Variants in CHST3 observed in about 807,000 individuals in gnomAD.
CHST3 encodes the protein C6ST-1.
In CHST3, 20 loss-of-function variants were observed where a neutral mutation model predicts 35.4. That is an observed-to-expected ratio of 0.57 (90% confidence interval 0.40 to 0.82). CHST3 has a LOEUF of 0.82. Among genes scored for constraint, CHST3 ranks in the 40% least tolerant of loss-of-function variants. The pLI is 0.00. For missense variants in CHST3, 693 were observed against 670.1 expected (o/e 1.03, Z -0.38); for synonymous variants, 334 against 295.9 (o/e 1.13, Z -1.32).
intron 1 of CHST3, among the ~76,000 whole-genome samples, chr10:71,975,777 C>G (rs1482638131): frequency 2.0e-5 from 3 of 152,260 alleles, no homozygotes; most frequent in Non-Finnish European, 4.4e-5. Context: ...CTGCAACTCA[C>G]AGCTCTCTCC....
intron 1 of CHST3, among the ~76,000 whole-genome samples, chr10:71,989,575 G>A (rs565623918): frequency 3.3e-5 from 5 of 152,304 alleles, no homozygotes; most frequent in African/African-American, 4.8e-5. Context: ...AATATTAAGC[G>A]CTAACTGTGT....
Position 72,007,825 on chromosome 10 carries a change from G to T in CHST3, c.794G>T (p.Arg265Leu). The change falls in exon 3 of 3, where the codon CGC (arginine) becomes CTC (leucine). Residue 265 changes from arginine (R) to leucine (L), a missense_variant. Arg to Leu is a moderately radical substitution (Grantham distance 102). Transcript: ENST00000373115. Reference sequence around the variant, plus strand: ...GTGACGCTGGCCGCAGAGGCCTGCCGCCGCAAGGAGCACATGGCCCTCAAG... The same window carrying T: ...GTGACGCTGGCCGCAGAGGCCTGCCTCCGCAAGGAGCACATGGCCCTCAAG... ...LNVTLAAEAC[R>L]RKEHMALKAV... 6.2e-7 allele frequency: 1 copy of T among 1,603,724 alleles called. No homozygotes were observed. Among genetic ancestry groups the T allele is most frequent in the South Asian group, 1.1e-5 (1 of 90,920 alleles).
At position 72,007,652 on chromosome 10, in the gene CHST3, C is replaced by T; in HGVS notation, c.621C>T (p.Ile207=). The change falls in exon 3 of 3, where the codon ATC becomes ATT. Residue 207 remains isoleucine, a synonymous_variant. Transcript: ENST00000373115. The part of the protein sequence containing the change: ...LCDLYVLEHF[I]TPLPEDHLTQ... ...ACCTGTACGTGCTGGAGCACTTCAT[C>T]ACGCCGCTGCCCGAGGACCACCTGA... 1 of 1,609,484 alleles carries T rather than the reference C, an allele frequency of 6.2e-7. No homozygotes were observed.
chr10:72,000,907 G>A (rs1442052898), intron 1 of CHST3, among the ~76,000 whole-genome samples: 1 of 152,092 alleles, frequency 6.6e-6, no homozygotes, highest in East Asian at 1.9e-4. Context: ...GCCTCAGCGG[G>A]GAGGGAGGAG....
rs1398198237 is a variant in CHST3, at chr10:72,008,184, A to G, written c.1153A>G (p.Met385Val). ...ARGPLQKAREMYRFAGIPLTP... is the reference protein window; with the variant it reads ...ARGPLQKAREVYRFAGIPLTP... Reference sequence around the variant, plus strand: ...CGGGCCGCTGCAGAAGGCCCGCGAGATGTACCGCTTCGCCGGCATCCCCCT... The same window carrying G: ...CGGGCCGCTGCAGAAGGCCCGCGAGGTGTACCGCTTCGCCGGCATCCCCCT... Residue 385 changes from methionine to valine, a missense_variant, in exon 3 of 3, where the codon ATG becomes GTG. Coordinates refer to ENST00000373115, the MANE Select transcript of CHST3 (RefSeq NM_004273.5). 1 of 1,549,508 alleles carries G rather than the reference A, an allele frequency of 6.5e-7. No individual in the cohort carries two copies. The highest frequency in any genetic ancestry group is 8.7e-7 in the Non-Finnish European group (1 of 1,146,792).
Position 72,008,553 on chromosome 10 carries a change from C to T in CHST3, c.*82C>T, listed in dbSNP as rs988412391. 2.1e-6 allele frequency: 3 copies of T among 1,445,692 alleles called. No individual in the cohort carries two copies. The highest frequency in any genetic ancestry group is 1.4e-5 in the African/African-American group (1 of 69,658). 89.6% of individuals were successfully genotyped at this position (1,445,692 alleles called of 1,614,324 possible). On this transcript the variant is annotated 3_prime_UTR_variant, in exon 3 of 3. Coordinates refer to ENST00000373115, the MANE Select transcript of CHST3 (RefSeq NM_004273.5). ...GCAGCCCTCGCAGAGGGCGGGTGCA[C>T]AGCGCCATGAGCGGGCAGCGCCTCC...
intron 1 of CHST3, among the ~76,000 whole-genome samples, chr10:72,001,780 G>T (rs189160253): frequency 6.0e-4 from 92 of 152,228 alleles, no homozygotes; most frequent in African/African-American, 1.8e-3. Flanking sequence ...CGGATGAAAG[G>T]TATTGAGTAC....
At position 72,008,713 on chromosome 10, in the gene CHST3, G is replaced by A. The variant is rs529477443; in HGVS notation, c.*242G>A. The A allele has an allele frequency of 7.9e-5, 52 of 656,434 alleles. No individual in the cohort carries two copies. The African/African-American group carries it at 8.8e-4, about 11-fold the overall frequency. The allele number at this position is 656,434 out of a possible 1,614,324, so 40.7% of individuals were successfully genotyped here. A position where few individuals can be genotyped will look rare whatever the true frequency, so the allele number is the denominator to read the frequency against. On this transcript the variant is annotated 3_prime_UTR_variant, in exon 3 of 3. Transcript: ENST00000373115. ...CAACGGGTTGCAGCCTCCTGAGCAG[G>A]CCTAGGCAGGCCCGGGCCTGTTGGC...
chr10:72,005,819 G>GC lies in CHST3; in HGVS notation c.-19dup. The GC allele has an allele frequency of 1.2e-6, 2 of 1,614,134 alleles. No individual in the cohort carries two copies. The highest frequency in any genetic ancestry group is 1.7e-6 in the Non-Finnish European group (2 of 1,180,030). ...TGAGTGTCCAAGGCTGGCCCGAGGA[G>GC]CCCCCACGGCCCCACCTTTCCCCAT... On this transcript the variant is annotated 5_prime_UTR_variant, in exon 2 of 3. Transcript: ENST00000373115.
chr10:71,994,323 T>G (rs1839921966), intron 1 of CHST3, among the ~76,000 whole-genome samples: 1 of 152,152 alleles, frequency 6.6e-6, no homozygotes, highest in South Asian at 2.1e-4. Flanking sequence ...AAATTACTCC[T>G]TGATCCATGG....
chr10:71,977,517 A>G (rs748744263), intron 1 of CHST3, among the ~76,000 whole-genome samples: 1 of 148,320 alleles, frequency 6.7e-6, no homozygotes, highest in South Asian at 2.1e-4. Flanking sequence ...TGGTACAGCC[A>G]TAGCTCACTG....
rs577274970 is a variant in CHST3, at chr10:71,996,910, T to C, written c.-107-8826T>C. ...TTTTCCTGGGTTGGTTGGTTTGTTT[T>C]GTTTTTTGTTTTGTTTTGTTTTGTT... On this transcript the variant is annotated intron_variant, in intron 1 of 2. Transcript: ENST00000373115. Among the ~76,000 whole-genome samples the C allele has an allele frequency of 9.9e-5, 15 of 152,110 alleles. No homozygotes were observed. The East Asian group carries it at 2.7e-3, about 27-fold the overall frequency.
intron 1 of CHST3, among the ~76,000 whole-genome samples, chr10:71,997,153 A>T (rs1839949399): frequency 1.3e-5 from 2 of 151,944 alleles, no homozygotes; most frequent in Admixed American, 1.3e-4. Flanking sequence ...CCACTCTTCC[A>T]CTGCAGAACC....
chr10:71,970,649 T>A (rs1384375541), intron 1 of CHST3, among the ~76,000 whole-genome samples: 1 of 152,144 alleles, frequency 6.6e-6, no homozygotes, highest in Non-Finnish European at 1.5e-5. Flanking sequence ...TCAGCCCTGC[T>A]CCCTCTGAGT....
Position 71,984,889 on chromosome 10 carries a change from C to T in CHST3, c.-108+20195C>T, listed in dbSNP as rs146976346. ...GTTCCATGCTTGGCCCAGAGCAAGT[C>T]CTCAGCAAATGAATATACTTGTTTC... On this transcript the variant is annotated intron_variant, in intron 1 of 2. Coordinates refer to ENST00000373115, the MANE Select transcript of CHST3 (RefSeq NM_004273.5). Among the ~76,000 whole-genome samples the T allele has an allele frequency of 1.6e-4, 24 of 152,322 alleles. No individual in the cohort carries two copies. In the East Asian group the frequency reaches 3.3e-3, roughly 21 times the overall value.
rs955060910 is a variant in CHST3 at position 71,964,476 on chromosome 10, C to A, written c.-326C>A. ...GCTGCGCAGGACGGCGCCCGCCTGGCGCCGCTTCCCTTCCAGCGTGCCGAC... is the reference window on the plus strand; with the variant it reads ...GCTGCGCAGGACGGCGCCCGCCTGGAGCCGCTTCCCTTCCAGCGTGCCGAC... On this transcript the variant is annotated 5_prime_UTR_variant, in exon 1 of 3. Transcript: ENST00000373115. The A allele has an allele frequency of 4.6e-5, 7 of 152,274 alleles. No homozygotes were observed. The highest frequency in any genetic ancestry group is 1.7e-4 in the African/African-American group (7 of 41,552). 9.4% of individuals were successfully genotyped at this position (152,274 alleles called of 1,614,324 possible).
chr10:71,967,885 G>A (rs1385111096), intron 1 of CHST3, among the ~76,000 whole-genome samples: 5 of 151,936 alleles, frequency 3.3e-5, no homozygotes, highest in Admixed American at 6.5e-5. Context: ...ACAGTGGTGC[G>A]ATCTTGGCTC....
chr10:71,997,747 C>T (rs1451319179), intron 1 of CHST3, among the ~76,000 whole-genome samples: 1 of 148,238 alleles, frequency 6.7e-6, no homozygotes, highest in African/African-American at 2.5e-5. Context: ...CTGCAACCTC[C>T]ACCTCCCGGG....
chr10:71,999,994 TAA>T (rs1839976648), intron 1 of CHST3, among the ~76,000 whole-genome samples: 1 of 152,206 alleles, frequency 6.6e-6, no homozygotes, highest in Admixed American at 6.5e-5. Flanking sequence ...TTCAAGAGAC[TAA>T]AGTTATGTGC....
Sources: gnomAD v4.1 joint callset for allele counts (sites outside exome capture counted in the v4.1 genomes callset) on GRCh38, gnomAD v4.1.1 for gene constraint, MANE v1.5 for transcripts, NCBI Gene and HGNC (gene_info 2026-07-23, HGNC 2026-07-21) for gene names.